MARK1: variants seen among roughly 807,000 people sequenced by gnomAD.
MARK1 encodes the protein microtubule affinity regulating kinase 1, also known as serine/threonine-protein kinase MARK1.
In MARK1, 40 loss-of-function variants were observed where a neutral mutation model predicts 96.3. The ratio of observed to expected loss-of-function variants is 0.42; its 90% CI spans 0.32 to 0.54. The LOEUF (loss-of-function observed/expected upper bound fraction) is 0.54, where lower values mean the gene tolerates loss of function less well. Ranked by LOEUF, MARK1 falls within the 20% of genes least tolerant of loss-of-function variation. MARK1 has a pLI of 0.16. For missense variants in MARK1, 719 were observed against 984.6 expected (o/e 0.73, Z 3.61); for synonymous variants, 317 against 341.2 (o/e 0.93, Z 0.78).
At position 220,618,292 on chromosome 1, in the gene MARK1, C is replaced by G. The variant is rs766964357; in HGVS notation, c.553-18C>G. On this transcript the variant is annotated intron_variant, in intron 7 of 17. Transcript: ENST00000366917. This position sits in a 1 kb window ranked among gnomAD's most constrained non-coding sequence, Gnocchi z 4.6. ...ATGTAGGCTTTTTACATTGTTCTTT[C>G]TATTATTTTCCTCTTAGGCTGAAAA... 2.1e-6 allele frequency: 3 copies of G among 1,442,492 alleles called. No individual in the cohort carries two copies. In the South Asian group the frequency reaches 3.5e-5, roughly 17 times the overall value. 89.4% of individuals were successfully genotyped at this position (1,442,492 alleles called of 1,614,324 possible).
intron 1 of MARK1, among the ~76,000 whole-genome samples, chr1:220,570,047 G>T (rs528915669): frequency 2.6e-5 from 4 of 152,148 alleles, no homozygotes; most frequent in South Asian, 4.2e-4. Flanking sequence ...TAGAAAAATC[G>T]AAGAGAAGTG....
chr1:220,577,615 A>G (rs1572112027), intron 1 of MARK1, among the ~76,000 whole-genome samples: 2 of 152,354 alleles, frequency 1.3e-5, no homozygotes, highest in Non-Finnish European at 1.5e-5. Context: ...GAGAATTTGC[A>G]TTTTGAACAA....
rs1553326399 is a variant in MARK1 at position 220,598,398 on chromosome 1, T to TATA, written c.358+19_358+20insATA. The TATA allele has an allele frequency of 2.8e-5, 6 of 213,928 alleles. No individual in the cohort carries two copies. The highest frequency in any genetic ancestry group is 1.2e-4 in the Admixed American group (2 of 16,066). The allele number at this position is 213,928 out of a possible 1,614,324, so 13.3% of individuals were successfully genotyped here. ...AATATAGGTATGAAATATATATATA[T>TATA]TATATATATATATATATATAATTAG... is the stretch of plus-strand genomic sequence containing the variant. On this transcript the variant is annotated intron_variant, in intron 4 of 17. Transcript: ENST00000366917.
At chr1:220,653,648 A>T (rs1002052580) in intron 16 of MARK1, among the ~76,000 whole-genome samples, 1 of 152,176 alleles carries the variant, frequency 6.6e-6, no homozygotes, top group Non-Finnish European at 1.5e-5. Context: ...TTATATTTAA[A>T]AGCCTTGATT....
chr1:220,543,063 G>A (rs1382855605), intron 1 of MARK1, among the ~76,000 whole-genome samples: 1 of 152,110 alleles, frequency 6.6e-6, no homozygotes, highest in East Asian at 1.9e-4. Flanking sequence ...TGTTACAATT[G>A]TTAGAATGAT....
intron 11 of MARK1, among the ~76,000 whole-genome samples, chr1:220,634,052 A>G (rs1667817400): frequency 6.6e-6 from 1 of 152,210 alleles, no homozygotes; most frequent in African/African-American, 2.4e-5. Context: ...GGTAGGTACT[A>G]TTATAATGGA....
rs1344192048 is a variant in MARK1, at chr1:220,598,021, A to G, written c.310-310A>G. 2.0e-5 allele frequency among the ~76,000 whole-genome samples: 3 copies of G among 152,176 alleles called. 1 individual carries two copies. Among genetic ancestry groups the G allele is most frequent in the Admixed American group, 2.0e-4 (3 of 15,272 alleles). ...TGTTTTTCTTCTGTAGCTTTTCATAAGGAATGGTTAAATAATTGTAAGTTT... is the reference window on the plus strand; with the variant it reads ...TGTTTTTCTTCTGTAGCTTTTCATAGGGAATGGTTAAATAATTGTAAGTTT... On this transcript the variant is annotated intron_variant, in intron 3 of 17. Coordinates refer to ENST00000366917, the MANE Select transcript of MARK1 (RefSeq NM_018650.5).
intron 3 of MARK1, 87 bp downstream of exon 3, chr1:220,581,205 A>G (rs1664218358): frequency 1.2e-5 from 5 of 425,398 alleles, no homozygotes; most frequent in South Asian, 8.8e-5. Flanking sequence ...TAAATTTTCT[A>G]TTAGGTACAA....
At position 220,563,951 on chromosome 1, in the gene MARK1, CTTTA is replaced by C. The variant is rs1014639855; in HGVS notation, c.52-15400_52-15397del. Among the ~76,000 whole-genome samples, 8 of 152,292 alleles carry C rather than the reference CTTTA, an allele frequency of 5.3e-5. No homozygotes were observed. In the Middle Eastern group the frequency reaches 0.01, roughly 194 times the overall value. ...AGTTTATATAGAGAGAGCCTTCCTTCTTTATTGTGCTGTCTTCCTTTTGGTTATT... is the reference window on the plus strand; with the variant it reads ...AGTTTATATAGAGAGAGCCTTCCTTCTTGTGCTGTCTTCCTTTTGGTTATT... On this transcript the variant is annotated intron_variant, in intron 1 of 17. Transcript: ENST00000366917.
At chr1:220,627,205 G>A in intron 9 of MARK1, 1 of 476,286 alleles carries the variant, frequency 2.1e-6, no homozygotes, top group Non-Finnish European at 4.2e-6. Flanking sequence ...AGAAGACCCT[G>A]ACAAATGGAT....
Position 220,618,709 on chromosome 1 carries a change from T to G in MARK1, c.863T>G (p.Leu288Arg). The G allele has an allele frequency of 6.2e-7, 1 of 1,612,442 alleles. No homozygotes were observed. The highest frequency in any genetic ancestry group is 8.5e-7 in the Non-Finnish European group (1 of 1,179,284). Reference sequence around the variant, plus strand: ...ATGTCCACAGACTGTGAAAATCTTCTGAAGAAATTATTAGTCCTGAATCCA... The same window carrying G: ...ATGTCCACAGACTGTGAAAATCTTCGGAAGAAATTATTAGTCCTGAATCCA... ...FYMSTDCENLLKKLLVLNPIK... is the reference protein window; with the variant it reads ...FYMSTDCENLRKKLLVLNPIK... Residue 288 changes from leucine to arginine, a missense_variant, in exon 9 of 18, where the codon CTG (leucine) becomes CGG (arginine). By Grantham distance (102) the Leu-to-Arg change is moderately radical. Around this residue, in one of 4 missense-constraint regions of MARK1, gnomAD observed 96 missense variants for 213.1 expected, o/e 0.45. Coordinates refer to ENST00000366917, the MANE Select transcript of MARK1 (RefSeq NM_018650.5). This position sits in a 1 kb window ranked among gnomAD's most constrained non-coding sequence, Gnocchi z 4.6.
intron 1 of MARK1, among the ~76,000 whole-genome samples, chr1:220,575,984 T>C (rs57976923): frequency 0.03 from 4,311 of 141,420 alleles, 378 homozygotes; most frequent in African/African-American, 0.12. Context: ...TGACCGTATA[T>C]AGCTCCTTTT....
intron 13 of MARK1, 140 bp from the exon 14 acceptor site, chr1:220,650,480 G>T: frequency 1.7e-6 from 1 of 580,630 alleles, no homozygotes; most frequent in Non-Finnish European, 3.1e-6. Flanking sequence ...TTAGAGAGAG[G>T]CAGGGGATAA....
intron 1 of MARK1, among the ~76,000 whole-genome samples, chr1:220,561,299 G>T (rs1358272474): frequency 6.6e-6 from 1 of 152,144 alleles, no homozygotes; most frequent in Non-Finnish European, 1.5e-5. Flanking sequence ...GCTGCATGCA[G>T]TCCAGGGCAG....
At chr1:220,532,335 C>T (rs1292325925) in intron 1 of MARK1, among the ~76,000 whole-genome samples, 1 of 152,176 alleles carries the variant, frequency 6.6e-6, no homozygotes, top group African/African-American at 2.4e-5. Flanking sequence ...TGTCACTATC[C>T]TTGGATTTTC....
intron 2 of MARK1, 144 bp from the exon 3 acceptor site, chr1:220,580,921 A>C: frequency 2.8e-6 from 1 of 352,266 alleles, no homozygotes. Context: ...CAAATTATCA[A>C]AATGTTACTA....
chr1:220,625,979 C>A, intron 9 of MARK1: 1 of 552,932 alleles, frequency 1.8e-6, no homozygotes, highest in Non-Finnish European at 3.6e-6. Context: ...TCCATCTCTT[C>A]AGATACATGT....
At chr1:220,645,389 C>T (rs1668524268) in intron 13 of MARK1, among the ~76,000 whole-genome samples, 1 of 152,142 alleles carries the variant, frequency 6.6e-6, no homozygotes, top group Non-Finnish European at 1.5e-5. Context: ...CTGAATAGAC[C>T]AATAACAAGT....
At chr1:220,628,758 A>G (rs908726660) in intron 9 of MARK1, among the ~76,000 whole-genome samples, 1 of 152,100 alleles carries the variant, frequency 6.6e-6, no homozygotes, top group Non-Finnish European at 1.5e-5. Context: ...TAGCCTTCCA[A>G]GAAAATATGA....
Sources: allele counts gnomAD v4.1 joint callset (sites outside exome capture counted in the v4.1 genomes callset), GRCh38; gene constraint gnomAD v4.1.1; regional missense constraint gnomAD v4.1.1; non-coding constraint Gnocchi (gnomAD v3.1); transcripts MANE v1.5; gene names NCBI Gene and HGNC (gene_info 2026-07-23, HGNC 2026-07-21).